CMC1: variants seen among roughly 807,000 people sequenced by gnomAD.
CMC1 encodes the protein COX assembly mitochondrial protein homolog.
In CMC1, 14 loss-of-function variants were observed where a neutral mutation model predicts 14.1. The ratio of observed to expected loss-of-function variants is 0.99; its 90% CI spans 0.66 to 1.55. CMC1 has a LOEUF of 1.55. Ranked by LOEUF, CMC1 falls within the 40% of genes most tolerant of loss-of-function variation. The pLI, the probability that CMC1 is intolerant of heterozygous loss-of-function variation, is 0.00. For missense variants in CMC1, 127 were observed against 123.8 expected, an observed-to-expected ratio of 1.03 and a Z score of -0.12; for synonymous variants, 50 against 38.4, an observed-to-expected ratio of 1.30 and a Z score of -1.12.
intron 2 of CMC1, among the ~76,000 whole-genome samples, chr3:28,271,429 G>T (rs934269876): frequency 6.6e-6 from 1 of 152,202 alleles, no homozygotes; most frequent in African/African-American, 2.4e-5. Context: ...TGGCTAGCCA[G>T]TTCTCCCAGC....
intron 2 of CMC1, among the ~76,000 whole-genome samples, chr3:28,300,690 TCCCTTTCCCTCCCTCTCACC>T (rs200925758): frequency 0.22 from 25,340 of 115,466 alleles, 3,276 homozygotes; most frequent in Admixed American, 0.31. Flanking sequence ...TCCCTTTCCC[TCCCTTTCCCTCCCTCTCACC>T]CTCCCTCCTT....
rs1185683936 is a variant in CMC1 at position 28,296,627 on chromosome 3, T to C, written c.110-19706T>C. Among the ~76,000 whole-genome samples the C allele has an allele frequency of 7.9e-5, 12 of 152,126 alleles. No individual in the cohort carries two copies. In the South Asian group the frequency reaches 2.3e-3, roughly 29 times the overall value. On this transcript the variant is annotated intron_variant, in intron 2 of 3. Coordinates refer to ENST00000466830, the MANE Select transcript of CMC1 (RefSeq NM_182523.2). Reference sequence around the variant, plus strand: ...AGATCCTGAGATGAGCTGTGTCTTATTATTTTTATTATTTTAATAAATGTT... The same window carrying C: ...AGATCCTGAGATGAGCTGTGTCTTACTATTTTTATTATTTTAATAAATGTT...
intron 2 of CMC1, among the ~76,000 whole-genome samples, chr3:28,290,241 A>T (rs1431499306): frequency 8.6e-5 from 13 of 151,620 alleles, no homozygotes; most frequent in Admixed American, 2.6e-4. Flanking sequence ...GTCTTTAAAA[A>T]TTTTTTTTTG....
chr3:28,271,352 A>G (rs780556380), intron 2 of CMC1, among the ~76,000 whole-genome samples: 7 of 152,096 alleles, frequency 4.6e-5, no homozygotes, highest in African/African-American at 7.2e-5. Context: ...CACCCACCTC[A>G]GCCTCCCAAT....
chr3:28,241,984 C>T (rs1698548125), intron 1 of CMC1, 172 bp downstream of exon 1: 4 of 537,666 alleles, frequency 7.4e-6, no homozygotes, highest in Non-Finnish European at 1.1e-5. Flanking sequence ...GTCATCTTCT[C>T]ACTTGTTGGG....
At chr3:28,253,051 C>G (rs902779702) in intron 1 of CMC1, among the ~76,000 whole-genome samples, 2 of 152,108 alleles carry the variant, frequency 1.3e-5, no homozygotes, top group East Asian at 1.9e-4. Flanking sequence ...CTTCGTCTAC[C>G]CTTCCTCATT....
intron 1 of CMC1, among the ~76,000 whole-genome samples, chr3:28,256,518 A>G (rs889998647): frequency 1.3e-5 from 2 of 152,212 alleles, no homozygotes; most frequent in East Asian, 1.9e-4. Context: ...ACTGGGGGCT[A>G]TAACCCAGCC....
In CMC1 at chr3:28,305,779, ATTTTTTTTTTTTTT is replaced by A. The variant is rs71087685; in HGVS notation, c.110-10536_110-10523del. 2.1e-4 allele frequency among the ~76,000 whole-genome samples: 9 copies of A among 43,574 alleles called. No homozygotes were observed. In the East Asian group the frequency reaches 5.7e-3, roughly 28 times the overall value. The allele number at this position is 43,574 out of a possible 152,430, so 28.6% of individuals were successfully genotyped here. A position where few individuals can be genotyped will look rare whatever the true frequency, so the allele number is the denominator to read the frequency against. ...GTGTCCAGAAGAGTTTTTCATAGGA[ATTTTTTTTTTTTTT>A]TTTTTTTTTTTTTTTTTAGTTTGAG... On this transcript the variant is annotated intron_variant, in intron 2 of 3. Transcript: ENST00000466830.
chr3:28,252,303 T>C (rs1302048565), intron 1 of CMC1, among the ~76,000 whole-genome samples: 2 of 152,202 alleles, frequency 1.3e-5, no homozygotes, highest in African/African-American at 4.8e-5. Flanking sequence ...AGATGAAGCA[T>C]ACTATTGTGG....
At chr3:28,316,452 G>GT (rs760081043) in intron 3 of CMC1, 29 bp downstream of exon 3, 2 of 1,304,950 alleles carry the variant, frequency 1.5e-6, no homozygotes, top group South Asian at 2.6e-5. Context: ...GTTTGTGCTT[G>GT]TATGTGTATT....
intron 2 of CMC1, among the ~76,000 whole-genome samples, chr3:28,302,484 A>G (rs563036923): frequency 6.6e-6 from 1 of 152,294 alleles, no homozygotes; most frequent in Non-Finnish European, 1.5e-5. Context: ...CTTTTAAAAA[A>G]GATAGAGGGA....
chr3:28,253,971 T>C (rs975562132), intron 1 of CMC1, among the ~76,000 whole-genome samples: 1 of 152,226 alleles, frequency 6.6e-6, no homozygotes, highest in Non-Finnish European at 1.5e-5. Flanking sequence ...AGTAGCCTTA[T>C]AATCTAGCAC....
intron 1 of CMC1, among the ~76,000 whole-genome samples, chr3:28,246,185 CAAAAA>C (rs879872776): frequency 1.5e-5 from 2 of 131,102 alleles, no homozygotes; most frequent in Non-Finnish European, 3.3e-5. Context: ...TGGCTCAGAA[CAAAAA>C]AAAAAAGACC....
intron 2 of CMC1, among the ~76,000 whole-genome samples, chr3:28,304,298 A>T (rs1373094972): frequency 6.6e-6 from 1 of 151,924 alleles, no homozygotes. Context: ...TCCTTTTGTC[A>T]CTGGATTTTT....
rs139236430 is a variant in CMC1, at chr3:28,304,720, C to A, written c.110-11613C>A. 1.3e-3 allele frequency among the ~76,000 whole-genome samples: 202 copies of A among 152,178 alleles called. 3 individuals carry two copies. In the East Asian group the frequency reaches 0.037, roughly 28 times the overall value. On this transcript the variant is annotated intron_variant, in intron 2 of 3. Coordinates refer to ENST00000466830, the MANE Select transcript of CMC1 (RefSeq NM_182523.2). ...CAAATAATTTATAGAAGAATGAAGA[C>A]AATGACTTTAGAAAGTATAATAAGA...
intron 2 of CMC1, among the ~76,000 whole-genome samples, chr3:28,267,392 T>A (rs893808124): frequency 3.3e-5 from 5 of 152,204 alleles, no homozygotes; most frequent in African/African-American, 1.2e-4. Context: ...CTTTCTCTTT[T>A]TTCCTTTTGC....
intron 2 of CMC1, among the ~76,000 whole-genome samples, chr3:28,289,520 G>T (rs1362047062): frequency 6.6e-6 from 1 of 151,780 alleles, no homozygotes; most frequent in Non-Finnish European, 1.5e-5. Context: ...CTCCTTGAAA[G>T]CCAGGCAAAG....
chr3:28,246,751 A>G (rs1010058713), intron 1 of CMC1, among the ~76,000 whole-genome samples: 3 of 150,342 alleles, frequency 2.0e-5, no homozygotes, highest in Non-Finnish European at 4.4e-5. Flanking sequence ...AGACCTTGTA[A>G]ATATTTGCTT....
intron 1 of CMC1, among the ~76,000 whole-genome samples, chr3:28,246,798 AT>A (rs770788764): frequency 0.079 from 9,539 of 121,394 alleles, 443 homozygotes; most frequent in African/African-American, 0.16. Context: ...GGGTCCATTG[AT>A]TTTTTTTTTT....
Sources: gnomAD v4.1 joint callset for allele counts (sites outside exome capture counted in the v4.1 genomes callset) on GRCh38, gnomAD v4.1.1 for gene constraint, MANE v1.5 for transcripts, NCBI Gene and HGNC (gene_info 2026-07-23, HGNC 2026-07-21) for gene names.